ZDHHC20: variants seen among roughly 807,000 people sequenced by gnomAD.
The protein encoded by ZDHHC20 is palmitoyltransferase ZDHHC20.
In ZDHHC20, 43 loss-of-function variants were observed where a neutral mutation model predicts 57.8. The observed-to-expected ratio is 0.74, with a 90% CI of 0.58 to 0.96. The LOEUF is 0.96. ZDHHC20 is among the 40% of genes least tolerant of loss of function. The pLI is 0.00. For missense variants in ZDHHC20, 391 were observed against 441.1 expected, an observed-to-expected ratio of 0.89 and a Z score of 1.02; for synonymous variants, 157 against 153.0, an observed-to-expected ratio of 1.03 and a Z score of -0.19.
intron 1 of ZDHHC20, among the ~76,000 whole-genome samples, chr13:21,426,007 TATG>T (rs1185594464): frequency 6.6e-6 from 1 of 152,234 alleles, no homozygotes; most frequent in African/African-American, 2.4e-5. Context: ...AACTGTCCTC[TATG>T]ACCCCCATAA....
At chr13:21,378,460 A>G (rs562522361) in intron 12 of ZDHHC20, among the ~76,000 whole-genome samples, 14 of 152,314 alleles carry the variant, frequency 9.2e-5, no homozygotes, top group Admixed American at 2.0e-4. Context: ...TTAATTTACC[A>G]ACAAATAATT....
intron 4 of ZDHHC20, among the ~76,000 whole-genome samples, chr13:21,408,724 T>C (rs1411154619): frequency 6.6e-6 from 1 of 152,224 alleles, no homozygotes; most frequent in African/African-American, 2.4e-5. Context: ...CTTTTGCCCA[T>C]TCAGTATGAT....
chr13:21,431,863 T>G (rs1881996774), intron 1 of ZDHHC20, among the ~76,000 whole-genome samples: 1 of 152,242 alleles, frequency 6.6e-6, no homozygotes, highest in African/African-American at 2.4e-5. Context: ...AATCTTGATA[T>G]GTGTGTGCCA....
At chr13:21,423,580 G>A (rs920496864) in intron 2 of ZDHHC20, among the ~76,000 whole-genome samples, 1 of 151,994 alleles carries the variant, frequency 6.6e-6, no homozygotes, top group African/African-American at 2.4e-5. Context: ...AGGCTGAGGT[G>A]GGAGGATCGC....
intron 1 of ZDHHC20, among the ~76,000 whole-genome samples, chr13:21,456,912 C>T (rs190445155): frequency 6.6e-6 from 1 of 152,304 alleles, no homozygotes; most frequent in African/African-American, 2.4e-5. Context: ...ACCCTCATAG[C>T]TTACTGAAGT....
chr13:21,398,011 C>T (rs905571464), intron 7 of ZDHHC20, among the ~76,000 whole-genome samples: 1 of 152,116 alleles, frequency 6.6e-6, no homozygotes, highest in African/African-American at 2.4e-5. Context: ...TGTATTTACA[C>T]TATTTATTTT....
intron 4 of ZDHHC20, among the ~76,000 whole-genome samples, chr13:21,413,036 T>C (rs953786312): frequency 2.4e-5 from 2 of 82,650 alleles, no homozygotes; most frequent in Admixed American, 2.2e-4. Context: ...ATAAACAAAA[T>C]AAAACAATTC....
intron 3 of ZDHHC20, among the ~76,000 whole-genome samples, chr13:21,414,182 G>C (rs1464923802): frequency 2.6e-5 from 4 of 151,270 alleles, no homozygotes; most frequent in Non-Finnish European, 5.9e-5. Flanking sequence ...CACAGTCATG[G>C]GGTCCCGCTA....
intron 1 of ZDHHC20, among the ~76,000 whole-genome samples, chr13:21,444,539 T>C (rs1316768576): frequency 6.6e-6 from 1 of 152,196 alleles, no homozygotes; most frequent in African/African-American, 2.4e-5. Context: ...ACATTATATA[T>C]GATAAAATTA....
chr13:21,447,618 G>A (rs879369334), intron 1 of ZDHHC20, among the ~76,000 whole-genome samples: 149 of 138,942 alleles, frequency 1.1e-3, no homozygotes, highest in African/African-American at 2.1e-3. Context: ...CAGTGGCGTG[G>A]TCTCGGCTCA....
chr13:21,450,328 G>A (rs748456863), intron 1 of ZDHHC20, among the ~76,000 whole-genome samples: 1 of 152,144 alleles, frequency 6.6e-6, no homozygotes, highest in Admixed American at 6.5e-5. Context: ...AGGGCATAAG[G>A]TTCTTCTGAA....
At position 21,459,050 on chromosome 13, in the gene ZDHHC20, TCACA is replaced by T; in HGVS notation, c.118_118+3del. ...CCGCCGCAGTCCCCGGGGACGGTAC[TCACA>T]CACGCAGAGCTCCACCACGTACGCG... is the stretch of plus-strand genomic sequence containing the variant. On this transcript the variant is annotated splice_donor_variant and splice_donor_region_variant and coding_sequence_variant and intron_variant, in exon 1 of 13. Transcript: ENST00000400590. LOFTEE classifies it high-confidence loss of function. The T allele has an allele frequency of 6.3e-7, 1 of 1,590,478 alleles. No individual in the cohort carries two copies. The highest frequency in any genetic ancestry group is 8.5e-7 in the Non-Finnish European group (1 of 1,169,628).
At chr13:21,411,628 G>A (rs1436805514) in intron 4 of ZDHHC20, among the ~76,000 whole-genome samples, 3 of 152,122 alleles carry the variant, frequency 2.0e-5, no homozygotes, top group Non-Finnish European at 4.4e-5. Flanking sequence ...GCTCTGAGAT[G>A]GGATTAAACC....
At chr13:21,448,383 C>G (rs1256416619) in intron 1 of ZDHHC20, among the ~76,000 whole-genome samples, 10 of 111,120 alleles carry the variant, frequency 9.0e-5, no homozygotes, top group African/African-American at 1.6e-4. Flanking sequence ...GTCAGCCCCC[C>G]GCCCGGCCAG....
chr13:21,404,654 T>C (rs1878192832), intron 4 of ZDHHC20, among the ~76,000 whole-genome samples: 1 of 151,236 alleles, frequency 6.6e-6, no homozygotes, highest in Non-Finnish European at 1.5e-5. Context: ...CTCGGGAGGC[T>C]GAGGCAGGAG....
chr13:21,380,515 C>T (rs554405849), intron 11 of ZDHHC20, among the ~76,000 whole-genome samples: 3 of 151,456 alleles, frequency 2.0e-5, no homozygotes, highest in Non-Finnish European at 4.4e-5. Context: ...CACTGCTGGC[C>T]GGGCATGGTG....
At chr13:21,403,007 GTAT>G (rs1877926230) in intron 4 of ZDHHC20, 141 bp from the exon 5 acceptor site, 2 of 627,188 alleles carry the variant, frequency 3.2e-6, no homozygotes, top group Non-Finnish European at 5.6e-6. Context: ...ATACCAAAAT[GTAT>G]TATACTAGAG....
At chr13:21,445,487 G>A (rs1883597761) in intron 1 of ZDHHC20, among the ~76,000 whole-genome samples, 1 of 152,134 alleles carries the variant, frequency 6.6e-6, no homozygotes, top group African/African-American at 2.4e-5. Context: ...AATAACAATA[G>A]CTATTATAAT....
At chr13:21,423,451 G>C (rs140170809) in intron 2 of ZDHHC20, among the ~76,000 whole-genome samples, 2 of 151,990 alleles carry the variant, frequency 1.3e-5, no homozygotes, top group South Asian at 4.1e-4. Flanking sequence ...TGGGGCGGGC[G>C]GATCACTTGA....
Sources: gnomAD v4.1 joint callset for allele counts (sites outside exome capture counted in the v4.1 genomes callset) on GRCh38, gnomAD v4.1.1 for gene constraint, MANE v1.5 for transcripts, NCBI Gene and HGNC (gene_info 2026-07-23, HGNC 2026-07-21) for gene names.